Variants in FAAH2 observed in about 807,000 individuals in gnomAD.
FAAH2 encodes fatty acid amide hydrolase 2, also known as fatty-acid amide hydrolase 2.
In FAAH2, 60 loss-of-function variants were observed where a neutral mutation model predicts 36.9. The observed-to-expected ratio is 1.63, with a 90% CI of 1.32 to 2.02. The LOEUF (loss-of-function observed/expected upper bound fraction) is 2.02, where lower values mean the gene tolerates loss of function less well. Among genes scored for constraint, FAAH2 ranks in the 30% most tolerant of loss-of-function variants. FAAH2 has a pLI of 0.00. For missense variants in FAAH2, 689 were observed against 397.5 expected (o/e 1.73, Z -6.23); for synonymous variants, 214 against 143.8 (o/e 1.49, Z -3.49).
chrX:57,300,972 G>C (rs1392834357), intron 2 of FAAH2, among the ~76,000 whole-genome samples: 2 of 111,615 alleles, frequency 1.8e-5, no homozygotes, highest in Non-Finnish European at 3.8e-5. Context: ...ACAGGTGCTG[G>C]AGAGGATGTG....
At chrX:57,473,998 G>T in intron 10 of FAAH2, among the ~76,000 whole-genome samples, 1 of 111,250 alleles carries the variant, frequency 9.0e-6, no homozygotes. Flanking sequence ...CCATTTACAT[G>T]CAAGATTAAT....
the FAAH2 span, among the ~76,000 whole-genome samples, chrX:57,162,952 T>C: frequency 1.8e-5 from 2 of 112,672 alleles, no homozygotes; most frequent in African/African-American, 6.4e-5. Context: ...TTTTAGAGTT[T>C]CCAGTTTTTC....
the FAAH2 span, among the ~76,000 whole-genome samples, chrX:57,205,059 G>C: frequency 8.9e-6 from 1 of 112,384 alleles, no homozygotes; most frequent in African/African-American, 3.2e-5. Context: ...CCCAGACAAA[G>C]TGAGAAAAGG....
At chrX:57,180,147 C>T in the FAAH2 span, among the ~76,000 whole-genome samples, 2 of 111,606 alleles carry the variant, frequency 1.8e-5, no homozygotes, top group Admixed American at 1.9e-4. Context: ...GCACTAAACA[C>T]CCACATCAAC....
At position 57,471,859 on chromosome X, in the gene FAAH2, T is replaced by TA. The variant is rs1322030521; in HGVS notation, c.1424-16896dup. 7.2e-5 allele frequency among the ~76,000 whole-genome samples: 8 copies of TA among 111,875 alleles called. No individual in the cohort carries two copies. The Admixed American group carries it at 7.6e-4, about 11-fold the overall frequency. On this transcript the variant is annotated intron_variant, in intron 10 of 10. Transcript: ENST00000374900. Reference sequence around the variant, plus strand: ...TTCAAACTATACTACAAGGCTACAGTAACCAAAACAGCATGGTGCTGGTAC... The same window carrying TA: ...TTCAAACTATACTACAAGGCTACAGTAAACCAAAACAGCATGGTGCTGGTAC...
chrX:57,438,871 G>A (rs1166414555), intron 8 of FAAH2, among the ~76,000 whole-genome samples: 2 of 107,150 alleles, frequency 1.9e-5, no homozygotes, highest in Non-Finnish European at 3.8e-5. Context: ...TTGTCCTTGC[G>A]ATAGTTTGCT....
chrX:57,355,655 C>T (rs369534975), intron 5 of FAAH2, among the ~76,000 whole-genome samples: 3 of 110,336 alleles, frequency 2.7e-5, no homozygotes, highest in South Asian at 3.7e-4. Flanking sequence ...TTAACTTCTT[C>T]GAATTCATTT....
At chrX:57,394,792 G>A (rs368725016) in intron 7 of FAAH2, 36 of 996,307 alleles carry the variant, frequency 3.6e-5, no homozygotes, top group African/African-American at 9.5e-5. Flanking sequence ...CCAGGATGTC[G>A]CCTTTATTTA....
chrX:57,259,604 T>C, the FAAH2 span, among the ~76,000 whole-genome samples: 1 of 111,698 alleles, frequency 9.0e-6, no homozygotes, highest in Admixed American at 9.6e-5. Context: ...ATAAAGTAAA[T>C]AGGTGATTTT....
chrX:57,361,349 C>T (rs909878875), intron 5 of FAAH2, among the ~76,000 whole-genome samples: 1 of 110,471 alleles, frequency 9.1e-6, no homozygotes. Context: ...CATGTTGTTG[C>T]TCTTCTAGTT....
At chrX:57,142,037 G>A in the FAAH2 span, among the ~76,000 whole-genome samples, 8 of 110,513 alleles carry the variant, frequency 7.2e-5, no homozygotes, top group African/African-American at 2.6e-4. Context: ...GTAGATTTTT[G>A]TCATGTTTTC....
rs368608109 is a variant in FAAH2 at position 57,360,785 on chromosome X, C to A, written c.743-17866C>A. 3.7e-4 allele frequency among the ~76,000 whole-genome samples: 41 copies of A among 110,804 alleles called. No individual in the cohort carries two copies. The East Asian group carries it at 6.0e-3, about 16-fold the overall frequency. ...TCAACCCGTCATCTAGGTTTTGAGACCCACATTCATTAGCTATGTGCCCTA... is the reference window on the plus strand; with the variant it reads ...TCAACCCGTCATCTAGGTTTTGAGAACCACATTCATTAGCTATGTGCCCTA... On this transcript the variant is annotated intron_variant, in intron 5 of 10. Coordinates refer to ENST00000374900, the MANE Select transcript of FAAH2 (RefSeq NM_174912.4).
the FAAH2 span, among the ~76,000 whole-genome samples, chrX:57,260,771 G>T: frequency 9.0e-6 from 1 of 110,858 alleles, no homozygotes; most frequent in Non-Finnish European, 1.9e-5. Context: ...ATATATATAT[G>T]AATGGTAAAT....
intron 7 of FAAH2, among the ~76,000 whole-genome samples, chrX:57,414,198 G>C (rs1044454867): frequency 3.6e-5 from 4 of 111,646 alleles, no homozygotes; most frequent in Non-Finnish European, 7.5e-5. Flanking sequence ...TGAATACCTT[G>C]TATTTCTTTC....
the FAAH2 span, among the ~76,000 whole-genome samples, chrX:57,195,471 T>C: frequency 8.9e-6 from 1 of 111,862 alleles, no homozygotes; most frequent in East Asian, 2.8e-4. Context: ...TTATTCTTGC[T>C]GATTTGTTTG....
intron 1 of FAAH2, 65 bp downstream of exon 1, chrX:57,287,082 G>A: frequency 9.5e-7 from 1 of 1,048,499 alleles, no homozygotes; most frequent in East Asian, 3.5e-5. Context: ...GAAGCTTAGT[G>A]GTGGCGGTGG....
intron 2 of FAAH2, among the ~76,000 whole-genome samples, chrX:57,306,992 C>CATATATATATATATATATATAT (rs1569245607): frequency 2.5e-4 from 2 of 8,033 alleles, no homozygotes; most frequent in Non-Finnish European, 2.5e-3. Flanking sequence ...CACACACACA[C>CATATATATATATATATATATAT]AGATACATAT....
chrX:57,392,470 C>G (rs1012216634), intron 7 of FAAH2, among the ~76,000 whole-genome samples: 1 of 111,468 alleles, frequency 9.0e-6, no homozygotes, highest in African/African-American at 3.3e-5. Context: ...TTAATTTATA[C>G]ACGATGAGAA....
intron 2 of FAAH2, among the ~76,000 whole-genome samples, chrX:57,306,990 C>CAG (rs1362729726): frequency 6.7e-4 from 6 of 8,998 alleles, no homozygotes; most frequent in African/African-American, 7.5e-4. Context: ...CACACACACA[C>CAG]ACAGATACAT....
Sources: gnomAD v4.1 joint callset for allele counts (sites outside exome capture counted in the v4.1 genomes callset) on GRCh38, gnomAD v4.1.1 for gene constraint, MANE v1.5 for transcripts, NCBI Gene and HGNC (gene_info 2026-07-23, HGNC 2026-07-21) for gene names.